Variants in THSD7A observed in about 807,000 individuals in gnomAD.
THSD7A encodes thrombospondin type-1 domain-containing protein 7A.
Under a neutral mutation model 231.3 loss-of-function variants are expected in THSD7A, and 96 were observed. The ratio of observed to expected loss-of-function variants is 0.41; its 90% CI spans 0.35 to 0.49. The LOEUF is 0.49. Among genes scored for constraint, THSD7A ranks in the 20% least tolerant of loss-of-function variants. The pLI is 0.05. For synonymous variants in THSD7A, 940 were observed against 743.3 expected, an observed-to-expected ratio of 1.26 and a Z score of -4.30; for missense variants, 2,290 against 2,070.2, an observed-to-expected ratio of 1.11 and a Z score of -2.06.
intron 11 of THSD7A, among the ~76,000 whole-genome samples, chr7:11,447,883 A>G (rs902662954): frequency 3.0e-4 from 45 of 152,212 alleles, no homozygotes; most frequent in African/African-American, 1.1e-3. Flanking sequence ...TCCTTTATAG[A>G]AGTGTTTTAG....
intron 23 of THSD7A, among the ~76,000 whole-genome samples, chr7:11,386,586 G>A (rs1208248384): frequency 2.0e-5 from 3 of 152,138 alleles, no homozygotes; most frequent in African/African-American, 4.8e-5. Context: ...ATTTGTTTAA[G>A]TTCTTTGTAG....
intron 1 of THSD7A, among the ~76,000 whole-genome samples, chr7:11,818,926 CAAT>C (rs1784789712): frequency 6.6e-6 from 1 of 151,964 alleles, no homozygotes. Flanking sequence ...TCTACCAGAA[CAAT>C]AAAAAGTGGA....
chr7:11,703,073 A>G (rs1458518189), intron 1 of THSD7A, among the ~76,000 whole-genome samples: 1 of 151,214 alleles, frequency 6.6e-6, no homozygotes, highest in Non-Finnish European at 1.5e-5. Flanking sequence ...GAGAAAATAC[A>G]CACTCAGCTA....
At chr7:11,521,801 C>G (rs1254981459) in intron 6 of THSD7A, among the ~76,000 whole-genome samples, 1 of 151,536 alleles carries the variant, frequency 6.6e-6, no homozygotes. Flanking sequence ...TATTCACTAC[C>G]TTTTGAAGTT....
chr7:11,430,821 A>T (rs1227803740), intron 13 of THSD7A, among the ~76,000 whole-genome samples: 1 of 152,170 alleles, frequency 6.6e-6, no homozygotes, highest in East Asian at 1.9e-4. Context: ...TATAGCATGT[A>T]TCAGTTCTTC....
intron 1 of THSD7A, among the ~76,000 whole-genome samples, chr7:11,773,409 G>GTTC (rs1783299105): frequency 6.6e-6 from 1 of 151,880 alleles, no homozygotes; most frequent in Non-Finnish European, 1.5e-5. Context: ...TCATGCCTGT[G>GTTC]ACCCCAGCTA....
intron 24 of THSD7A, 111 bp downstream of exon 24, chr7:11,382,410 C>T: frequency 1.2e-6 from 1 of 866,564 alleles, no homozygotes; most frequent in Non-Finnish European, 1.9e-6. Context: ...GAATCCCAAA[C>T]AGGCTTTGAA....
intron 1 of THSD7A, among the ~76,000 whole-genome samples, chr7:11,826,318 A>C (rs1360536350): frequency 1.3e-5 from 2 of 152,202 alleles, no homozygotes; most frequent in African/African-American, 4.8e-5. Flanking sequence ...GTGTAATTTC[A>C]TCATTATAAA....
At chr7:11,407,467 G>A (rs1434687533) in intron 19 of THSD7A, 44 bp from the exon 20 acceptor site, 7 of 1,450,876 alleles carry the variant, frequency 4.8e-6, no homozygotes, top group East Asian at 2.3e-5. Context: ...GTAAATTGGG[G>A]GAGGGAGCCA....
intron 7 of THSD7A, among the ~76,000 whole-genome samples, chr7:11,475,682 T>C (rs980767817): frequency 6.7e-6 from 1 of 149,710 alleles, no homozygotes; most frequent in Non-Finnish European, 1.5e-5. Context: ...TTCTAGGGAA[T>C]ATGGGTACTA....
At chr7:11,689,685 T>A (rs1454600745) in intron 1 of THSD7A, among the ~76,000 whole-genome samples, 1 of 151,638 alleles carries the variant, frequency 6.6e-6, no homozygotes, top group East Asian at 1.9e-4. Context: ...GCAAGAAAGT[T>A]AACCTATGAT....
intron 23 of THSD7A, among the ~76,000 whole-genome samples, chr7:11,395,524 T>C (rs2115341486): frequency 7.5e-6 from 1 of 133,680 alleles, no homozygotes; most frequent in African/African-American, 3.2e-5. Flanking sequence ...TATGCATTCT[T>C]TTTTTTTTTT....
intron 1 of THSD7A, among the ~76,000 whole-genome samples, chr7:11,722,892 A>C (rs1050295071): frequency 6.6e-6 from 1 of 151,868 alleles, no homozygotes; most frequent in Non-Finnish European, 1.5e-5. Context: ...CTGTAAACTA[A>C]TTCAACCATT....
rs1322487020 is a variant in THSD7A at position 11,628,259 on chromosome 7, T to C, written c.1022+7871A>G. Among the ~76,000 whole-genome samples the C allele has an allele frequency of 6.6e-5, 10 of 152,290 alleles. No homozygotes were observed. The East Asian group carries it at 1.9e-3, about 29-fold the overall frequency. On this transcript the variant is annotated intron_variant, in intron 2 of 27. Coordinates refer to ENST00000423059, the MANE Select transcript of THSD7A (RefSeq NM_015204.3). Reference sequence around the variant, plus strand: ...AGATCTTTATAGGTTTCCAAGACCTTTATAGGTTTTCTCCATTTCTCTTCT... The same window carrying C: ...AGATCTTTATAGGTTTCCAAGACCTCTATAGGTTTTCTCCATTTCTCTTCT...
At chr7:11,694,251 G>A (rs1780320789) in intron 1 of THSD7A, among the ~76,000 whole-genome samples, 1 of 151,368 alleles carries the variant, frequency 6.6e-6, no homozygotes, top group Non-Finnish European at 1.5e-5. Flanking sequence ...CAAATAATTG[G>A]TGTTTGCCTC....
intron 1 of THSD7A, among the ~76,000 whole-genome samples, chr7:11,676,492 C>A (rs1783642877): frequency 6.6e-6 from 1 of 152,008 alleles, no homozygotes; most frequent in South Asian, 2.1e-4. Context: ...CAATTTCTAA[C>A]CCCAATGCAA....
intron 23 of THSD7A, among the ~76,000 whole-genome samples, chr7:11,392,910 C>T (rs1157629299): frequency 6.6e-6 from 1 of 152,200 alleles, no homozygotes; most frequent in Non-Finnish European, 1.5e-5. Flanking sequence ...AAACTCCCAT[C>T]TCCCTGGGAT....
chr7:11,819,616 A>C (rs963376049), intron 1 of THSD7A, among the ~76,000 whole-genome samples: 3 of 152,192 alleles, frequency 2.0e-5, no homozygotes, highest in African/African-American at 7.2e-5. Flanking sequence ...AAAAAGCACA[A>C]ATATGGAGAC....
At chr7:11,663,409 T>C (rs1477970348) in intron 1 of THSD7A, among the ~76,000 whole-genome samples, 3 of 151,510 alleles carry the variant, frequency 2.0e-5, no homozygotes, top group Non-Finnish European at 3.0e-5. Context: ...ACTTAATTGG[T>C]TAATTCATCC....
Sources: gnomAD v4.1 joint callset for allele counts (sites outside exome capture counted in the v4.1 genomes callset) on GRCh38, gnomAD v4.1.1 for gene constraint, MANE v1.5 for transcripts, NCBI Gene and HGNC (gene_info 2026-07-23, HGNC 2026-07-21) for gene names.